Variants in MAGI2 observed in about 807,000 individuals in gnomAD.
MAGI2 encodes the protein membrane-associated guanylate kinase, WW and PDZ domain-containing protein 2.
MAGI2 carries 35 observed loss-of-function variants against 133.3 expected under a neutral mutation model. The observed-to-expected ratio is 0.26, with a 90% confidence interval of 0.20 to 0.35. The LOEUF (loss-of-function observed/expected upper bound fraction) is 0.35. Ranked by LOEUF, MAGI2 falls within the 10% of genes least tolerant of loss-of-function variation. The pLI is 1.00. For missense variants in MAGI2, 1,636 were observed against 1,863.4 expected (o/e 0.88, Z 2.25); for synonymous variants, 729 against 710.6 (o/e 1.03, Z -0.41).
intron 1 of MAGI2, among the ~76,000 whole-genome samples, chr7:79,419,259 T>G (rs1198544835): frequency 2.0e-5 from 3 of 152,034 alleles, no homozygotes; most frequent in African/African-American, 4.8e-5. Context: ...ACCCAGTTCT[T>G]GACATGATCA....
At chr7:78,188,285 G>A (rs1584318804) in intron 12 of MAGI2, among the ~76,000 whole-genome samples, 1 of 152,120 alleles carries the variant, frequency 6.6e-6, no homozygotes, top group Admixed American at 6.5e-5. Flanking sequence ...ATATTAAAAT[G>A]GCAGACACAG....
intron 5 of MAGI2, among the ~76,000 whole-genome samples, chr7:78,490,964 G>A (rs1414407406): frequency 6.6e-6 from 1 of 151,940 alleles, no homozygotes; most frequent in Non-Finnish European, 1.5e-5. Flanking sequence ...TAGAAGAGAG[G>A]ATGGAAATAG....
intron 2 of MAGI2, among the ~76,000 whole-genome samples, chr7:78,708,619 A>G (rs1818878605): frequency 6.6e-6 from 1 of 152,176 alleles, no homozygotes; most frequent in South Asian, 2.1e-4. Flanking sequence ...TGTTTCAAAA[A>G]AGAAGTGTAA....
chr7:78,465,520 TGG>T (rs1790530233), intron 6 of MAGI2, among the ~76,000 whole-genome samples: 7 of 152,174 alleles, frequency 4.6e-5, no homozygotes, highest in Admixed American at 4.6e-4. Context: ...CCATATGGCA[TGG>T]ATAAGGATGT....
intron 2 of MAGI2, among the ~76,000 whole-genome samples, chr7:78,877,691 TA>T (rs1482539282): frequency 1.3e-5 from 2 of 152,004 alleles, no homozygotes; most frequent in Non-Finnish European, 1.5e-5. Flanking sequence ...ATGGCAATAA[TA>T]AAAAAATTAA....
chr7:79,392,502 A>G (rs1442066609), intron 1 of MAGI2, among the ~76,000 whole-genome samples: 2 of 152,130 alleles, frequency 1.3e-5, no homozygotes, highest in African/African-American at 4.8e-5. Context: ...CTATTTCTCC[A>G]CAGCCTCGCC....
chr7:78,850,764 G>T (rs514156), intron 2 of MAGI2, among the ~76,000 whole-genome samples: 1 of 151,310 alleles, frequency 6.6e-6, no homozygotes, highest in East Asian at 2.0e-4. Context: ...ACAAAGTCTT[G>T]CTATGCCCCC....
At chr7:78,723,801 G>A (rs1432199828) in intron 2 of MAGI2, among the ~76,000 whole-genome samples, 1 of 152,112 alleles carries the variant, frequency 6.6e-6, no homozygotes, top group Non-Finnish European at 1.5e-5. Context: ...TCTTGAGCAG[G>A]TAAAAGCTTA....
At chr7:78,804,748 C>CAAAAAAAAAAAAAAAAAAAAA (rs373472835) in intron 2 of MAGI2, among the ~76,000 whole-genome samples, 45 of 97,712 alleles carry the variant, frequency 4.6e-4, no homozygotes, top group African/African-American at 2.0e-3. Flanking sequence ...GACTCTGTCT[C>CAAAAAAAAAAAAAAAAAAAAA]AAAAAAAAAA....
At chr7:78,806,230 G>C (rs1788566335) in intron 2 of MAGI2, among the ~76,000 whole-genome samples, 1 of 152,040 alleles carries the variant, frequency 6.6e-6, no homozygotes. Flanking sequence ...CTACCTGTGT[G>C]ACCTCAGTTA....
intron 1 of MAGI2, among the ~76,000 whole-genome samples, chr7:79,179,422 C>A (rs1034145056): frequency 2.6e-5 from 4 of 151,802 alleles, no homozygotes; most frequent in African/African-American, 4.8e-5. Context: ...ATAGAAAAAA[C>A]AATCATACAA....
chr7:79,422,703 T>A (rs947500175), intron 1 of MAGI2, among the ~76,000 whole-genome samples: 1 of 151,884 alleles, frequency 6.6e-6, no homozygotes, highest in African/African-American at 2.4e-5. Context: ...TTTAGGAAGG[T>A]TTTTCTACTA....
At chr7:78,769,801 T>C (rs898724856) in intron 2 of MAGI2, among the ~76,000 whole-genome samples, 1 of 152,180 alleles carries the variant, frequency 6.6e-6, no homozygotes, top group African/African-American at 2.4e-5. Flanking sequence ...CAAATGTGAT[T>C]CCCTCAGCTC....
At position 79,280,232 on chromosome 7, in the gene MAGI2, C is replaced by T. The variant is rs1585413976; in HGVS notation, c.301+172788G>A. Among the ~76,000 whole-genome samples the T allele has an allele frequency of 3.3e-5, 5 of 152,226 alleles. No homozygotes were observed. The South Asian group carries it at 1.0e-3, about 32-fold the overall frequency. Reference sequence around the variant, plus strand: ...TGACGTAGAGAAGACTTTCTGGGAGCACTGGGGATTTATCTATTCTTTGTA... The same window carrying T: ...TGACGTAGAGAAGACTTTCTGGGAGTACTGGGGATTTATCTATTCTTTGTA... On this transcript the variant is annotated intron_variant, in intron 1 of 21. Coordinates refer to ENST00000354212, the MANE Select transcript of MAGI2 (RefSeq NM_012301.4).
intron 2 of MAGI2, among the ~76,000 whole-genome samples, chr7:78,976,241 G>T (rs947780352): frequency 6.6e-6 from 1 of 151,548 alleles, no homozygotes; most frequent in Non-Finnish European, 1.5e-5. Flanking sequence ...AGACTGGTAA[G>T]ATTTGTTTCA....
chr7:79,093,786 C>T (rs1352409250), intron 1 of MAGI2, among the ~76,000 whole-genome samples: 2 of 146,704 alleles, frequency 1.4e-5, no homozygotes, highest in African/African-American at 5.0e-5. Flanking sequence ...ATGGTCTCAG[C>T]TCACTGCAAC....
At chr7:78,189,836 GA>G (rs1403401539) in intron 12 of MAGI2, among the ~76,000 whole-genome samples, 1 of 152,182 alleles carries the variant, frequency 6.6e-6, no homozygotes, top group Non-Finnish European at 1.5e-5. Flanking sequence ...CTAGCTTAAA[GA>G]AAAGTGAAGC....
intron 21 of MAGI2, among the ~76,000 whole-genome samples, chr7:78,055,100 G>A (rs916733414): frequency 5.3e-5 from 8 of 152,132 alleles, no homozygotes; most frequent in African/African-American, 1.9e-4. Context: ...ATACCTCATT[G>A]TGATTTTGAT....
chr7:78,229,210 C>T (rs920828045), intron 10 of MAGI2, among the ~76,000 whole-genome samples: 1 of 152,252 alleles, frequency 6.6e-6, no homozygotes, highest in African/African-American at 2.4e-5. Context: ...TTATTGAGCA[C>T]AGCTTTTGCA....
Sources: allele counts gnomAD v4.1 joint callset (sites outside exome capture counted in the v4.1 genomes callset), GRCh38; gene constraint gnomAD v4.1.1; transcripts MANE v1.5; gene names NCBI Gene and HGNC (gene_info 2026-07-23, HGNC 2026-07-21).